Variants in LRRC4C observed in about 807,000 individuals in gnomAD.
LRRC4C encodes the protein leucine rich repeat containing 4C.
A neutral mutation model predicts 33.6 loss-of-function variants in LRRC4C; 5 were observed. The ratio of observed to expected loss-of-function variants is 0.15; its 90% CI spans 0.08 to 0.31. The LOEUF (loss-of-function observed/expected upper bound fraction) is 0.31, where lower values mean the gene tolerates loss of function less well. Among genes scored for constraint, LRRC4C ranks in the 10% least tolerant of loss-of-function variants. The pLI is 1.00. For synonymous variants in LRRC4C, 329 were observed against 302.0 expected (o/e 1.09, Z -0.93); for missense variants, 560 against 796.7 (o/e 0.70, Z 3.58).
chr11:40,943,626 CTG>C (rs1303986885), intron 1 of LRRC4C, among the ~76,000 whole-genome samples: 3 of 152,110 alleles, frequency 2.0e-5, no homozygotes, highest in African/African-American at 7.2e-5. Context: ...CTAATACAAC[CTG>C]TGTTATACTA....
intron 1 of LRRC4C, among the ~76,000 whole-genome samples, chr11:41,232,167 C>T (rs1947831585): frequency 6.6e-6 from 1 of 152,022 alleles, no homozygotes; most frequent in Admixed American, 6.6e-5. Flanking sequence ...ACAACATCCT[C>T]CTTAGCATCT....
At chr11:40,777,540 G>A (rs1217388750) in intron 2 of LRRC4C, among the ~76,000 whole-genome samples, 1 of 139,788 alleles carries the variant, frequency 7.2e-6, no homozygotes, top group African/African-American at 2.7e-5. Flanking sequence ...TTATTTTTTA[G>A]TCATCTAAGA....
chr11:40,883,111 C>A (rs1418539796), intron 2 of LRRC4C, among the ~76,000 whole-genome samples: 1 of 152,140 alleles, frequency 6.6e-6, no homozygotes, highest in Non-Finnish European at 1.5e-5. Context: ...AACTTCTATT[C>A]CCATGTCCTG....
intron 2 of LRRC4C, among the ~76,000 whole-genome samples, chr11:40,708,198 A>G (rs989515338): frequency 9.3e-5 from 14 of 150,234 alleles, no homozygotes; most frequent in African/African-American, 3.4e-4. Flanking sequence ...GGTTTTTTTT[A>G]TGTCTCTATC....
intron 1 of LRRC4C, among the ~76,000 whole-genome samples, chr11:41,303,928 CG>C (rs1565564030): frequency 1.1e-5 from 1 of 91,016 alleles, no homozygotes; most frequent in African/African-American, 3.5e-5. Context: ...CCTCTCCGCC[CG>C]GCAGCCACCC....
chr11:41,136,815 C>T (rs1320483263), intron 1 of LRRC4C, among the ~76,000 whole-genome samples: 1 of 152,142 alleles, frequency 6.6e-6, no homozygotes, highest in Non-Finnish European at 1.5e-5. Context: ...TGCACTTAGC[C>T]ACTGCCTATA....
At chr11:40,873,860 T>C (rs139113348) in intron 2 of LRRC4C, among the ~76,000 whole-genome samples, 210 of 152,318 alleles carry the variant, frequency 1.4e-3, no homozygotes, top group African/African-American at 4.7e-3. Context: ...TCTTCCATGT[T>C]TCATGTTTCT....
chr11:41,326,675 T>C (rs1031864634), intron 1 of LRRC4C, among the ~76,000 whole-genome samples: 1 of 152,224 alleles, frequency 6.6e-6, no homozygotes. Flanking sequence ...TCTGCCATGA[T>C]ACACAGCAAG....
chr11:40,524,142 C>T (rs1162589905), intron 3 of LRRC4C, among the ~76,000 whole-genome samples: 1 of 152,092 alleles, frequency 6.6e-6, no homozygotes, highest in Non-Finnish European at 1.5e-5. Context: ...AGGGTTTTTC[C>T]TATATTTGCC....
At position 41,055,049 on chromosome 11, in the gene LRRC4C, G is replaced by A. The variant is rs548088855; in HGVS notation, c.-495-121326C>T. ...TAACTGCCACAAGAATCAGGAAATA[G>A]AAAAATACCAGAACCTCAGAAGCCC... On this transcript the variant is annotated intron_variant, in intron 1 of 6. Coordinates refer to ENST00000528697, the MANE Select transcript of LRRC4C (RefSeq NM_001258419.2). Among the ~76,000 whole-genome samples, 18 of 152,226 alleles carry A rather than the reference G, an allele frequency of 1.2e-4. No individual in the cohort carries two copies. In the South Asian group the frequency reaches 3.5e-3, roughly 30 times the overall value.
chr11:41,154,913 G>T (rs903483518), intron 1 of LRRC4C, among the ~76,000 whole-genome samples: 2 of 152,126 alleles, frequency 1.3e-5, no homozygotes, highest in Non-Finnish European at 2.9e-5. Context: ...TTATTTTGTG[G>T]TTGCGCTACT....
chr11:40,607,666 A>G (rs373940473), intron 3 of LRRC4C, among the ~76,000 whole-genome samples: 7 of 152,092 alleles, frequency 4.6e-5, no homozygotes, highest in East Asian at 3.9e-4. Context: ...ACTTGCACTC[A>G]TTCTCCAAGC....
At chr11:40,597,775 A>T (rs1157721211) in intron 3 of LRRC4C, among the ~76,000 whole-genome samples, 1 of 152,202 alleles carries the variant, frequency 6.6e-6, no homozygotes, top group Non-Finnish European at 1.5e-5. Flanking sequence ...TGCTGACTGC[A>T]CTTGAACACG....
chr11:40,955,069 G>A (rs1436857969), intron 1 of LRRC4C, among the ~76,000 whole-genome samples: 2 of 151,780 alleles, frequency 1.3e-5, no homozygotes, highest in African/African-American at 4.8e-5. Context: ...CAGAACAAGG[G>A]CTTGGTAGAA....
chr11:41,456,259 T>C (rs1240653722), intron 1 of LRRC4C, among the ~76,000 whole-genome samples: 1 of 152,162 alleles, frequency 6.6e-6, no homozygotes, highest in Non-Finnish European at 1.5e-5. Context: ...TAGGCTGTTG[T>C]AATGACTCAG....
At chr11:40,842,713 T>G (rs1425290461) in intron 2 of LRRC4C, among the ~76,000 whole-genome samples, 1 of 152,170 alleles carries the variant, frequency 6.6e-6, no homozygotes, top group African/African-American at 2.4e-5. Context: ...TTGATCAAAA[T>G]TTTTATTGTG....
chr11:40,909,635 T>A (rs1026093339), intron 2 of LRRC4C, among the ~76,000 whole-genome samples: 3 of 152,142 alleles, frequency 2.0e-5, no homozygotes, highest in African/African-American at 2.4e-5. Flanking sequence ...TATCTTCTCT[T>A]GATCAGTTAT....
chr11:40,285,153 A>G (rs939186977), intron 4 of LRRC4C, among the ~76,000 whole-genome samples: 5 of 152,100 alleles, frequency 3.3e-5, no homozygotes, highest in African/African-American at 9.7e-5. Context: ...AACAGCATAC[A>G]CAGGTTAGCC....
chr11:40,252,511 A>G (rs1331281785), intron 4 of LRRC4C, among the ~76,000 whole-genome samples: 1 of 152,108 alleles, frequency 6.6e-6, no homozygotes, highest in Non-Finnish European at 1.5e-5. Context: ...TGAAAAGGTC[A>G]AGTACTGATT....
Sources: gnomAD v4.1 joint callset for allele counts (sites outside exome capture counted in the v4.1 genomes callset) on GRCh38, gnomAD v4.1.1 for gene constraint, MANE v1.5 for transcripts, NCBI Gene and HGNC (gene_info 2026-07-23, HGNC 2026-07-21) for gene names.